The following GLRA2 variants were observed in gnomAD, a reference collection of about 807,000 sequenced individuals.
GLRA2 encodes the protein glycine receptor subunit alpha-2.
Under a neutral mutation model 31.6 loss-of-function variants are expected in GLRA2, and 11 were observed. The ratio of observed to expected loss-of-function variants is 0.35; its 90% CI spans 0.22 to 0.58. The LOEUF (loss-of-function observed/expected upper bound fraction) is 0.58, where lower values mean the gene tolerates loss of function less well. GLRA2 is among the 20% of genes least tolerant of loss of function. The probability of loss-of-function intolerance (pLI) is 0.84; values close to 1 mark genes in which losing one functional copy is unlikely to be tolerated. For missense variants in GLRA2, 212 were observed against 351.8 expected, an observed-to-expected ratio of 0.60 and a Z score of 3.18; for synonymous variants, 132 against 134.0, an observed-to-expected ratio of 0.99 and a Z score of 0.10.
rs754899159 is a variant in GLRA2 at position 14,685,211 on chromosome X, G to A, written c.931-5499G>A. Among the ~76,000 whole-genome samples the A allele has an allele frequency of 4.4e-3, 489 of 111,310 alleles. 7 individuals carry two copies. Among genetic ancestry groups the A allele is most frequent in the African/African-American group, 0.015 (460 of 30,652 alleles). ...AGCTTTTTGATGTGCTGCTGGATTC[G>A]GTTTGCCAGTATTTTATTGAGGAGT... On this transcript the variant is annotated intron_variant, in intron 7 of 8. Coordinates refer to ENST00000218075, the MANE Select transcript of GLRA2 (RefSeq NM_002063.4).
At chrX:14,499,840 C>T in the GLRA2 span, among the ~76,000 whole-genome samples, 11 of 110,626 alleles carry the variant, frequency 9.9e-5, no homozygotes, top group African/African-American at 3.6e-4. Flanking sequence ...ACACCAATAC[C>T]CCCAAATCTA....
rs1169151769 is a variant in GLRA2 at position 14,671,993 on chromosome X, G to T, written c.931-18717G>T. ...GGGAACCCATACTGCTATTGATGTG[G>T]TTTCCTCTCTCATCACTTTTTATTT... On this transcript the variant is annotated intron_variant, in intron 7 of 8. Coordinates refer to ENST00000218075, the MANE Select transcript of GLRA2 (RefSeq NM_002063.4). 2.7e-5 allele frequency among the ~76,000 whole-genome samples: 3 copies of T among 111,982 alleles called. No individual in the cohort carries two copies. In the East Asian group the frequency reaches 8.4e-4, roughly 31 times the overall value.
the GLRA2 span, among the ~76,000 whole-genome samples, chrX:14,467,633 G>T: frequency 3.6e-5 from 4 of 111,746 alleles, no homozygotes; most frequent in Admixed American, 9.5e-5. Context: ...TAAAGGTAAG[G>T]TGATGTTATA....
At chrX:14,633,852 G>A (rs763992434) in intron 7 of GLRA2, among the ~76,000 whole-genome samples, 20 of 111,168 alleles carry the variant, frequency 1.8e-4, no homozygotes, top group Middle Eastern at 4.6e-3. Context: ...AACAGCATGG[G>A]GGAACTGCCC....
chrX:14,572,487 C>T (rs2089897421), intron 2 of GLRA2, among the ~76,000 whole-genome samples: 1 of 111,919 alleles, frequency 8.9e-6, no homozygotes, highest in Admixed American at 9.5e-5. Context: ...TAATTTATTT[C>T]TCATTAGCAG....
the GLRA2 span, among the ~76,000 whole-genome samples, chrX:14,474,449 A>G: frequency 9.0e-6 from 1 of 111,706 alleles, no homozygotes; most frequent in Non-Finnish European, 1.9e-5. Context: ...TCTTATCACT[A>G]GCTACTCAAA....
chrX:14,590,081 A>G (rs2090130293), intron 4 of GLRA2, among the ~76,000 whole-genome samples: 1 of 111,595 alleles, frequency 9.0e-6, no homozygotes, highest in Admixed American at 9.6e-5. Context: ...ATATCACCAA[A>G]GCATCTGTTT....
At chrX:14,564,129 A>T (rs1435264897) in intron 2 of GLRA2, among the ~76,000 whole-genome samples, 8 of 104,730 alleles carry the variant, frequency 7.6e-5, no homozygotes, top group Non-Finnish European at 1.6e-4. Context: ...AAGTAGGGTA[A>T]ACCCAAAGAG....
Position 14,581,245 on chromosome X carries a change from G to A in GLRA2, c.333G>A (p.Glu111=). ...ATGATTCACGGCTGGCGTACAGTGA[G>A]TACCCAGATGACTCCCTGGACTTGG... The part of the protein sequence containing the change: ...QWNDSRLAYS[E]YPDDSLDLDP... Residue 111 remains glutamate, a synonymous_variant, in exon 4 of 9, where the codon GAG becomes GAA. Transcript: ENST00000218075. 1.7e-6 allele frequency: 2 copies of A among 1,190,004 alleles called. No homozygotes were observed. The highest frequency in any genetic ancestry group is 2.3e-6 in the Non-Finnish European group (2 of 875,649).
intron 8 of GLRA2, among the ~76,000 whole-genome samples, chrX:14,717,530 G>A (rs1399127650): frequency 2.0e-5 from 2 of 99,725 alleles, no homozygotes; most frequent in Non-Finnish European, 3.9e-5. Flanking sequence ...ATCTTTACCT[G>A]TGCATAAGCC....
intron 2 of GLRA2, among the ~76,000 whole-genome samples, chrX:14,548,983 C>G (rs2089519133): frequency 9.0e-6 from 1 of 111,533 alleles, no homozygotes; most frequent in South Asian, 3.7e-4. Context: ...GGCAGTGAAC[C>G]AAAAATCTTT....
chrX:14,523,868 T>A, the GLRA2 span, among the ~76,000 whole-genome samples: 2 of 111,928 alleles, frequency 1.8e-5, no homozygotes, highest in Non-Finnish European at 3.8e-5. Context: ...TGAAAAAGTT[T>A]GAAAGATTGT....
intron 2 of GLRA2, among the ~76,000 whole-genome samples, chrX:14,536,097 T>C (rs1275670643): frequency 2.7e-5 from 3 of 112,253 alleles, no homozygotes; most frequent in Non-Finnish European, 3.8e-5. Flanking sequence ...ACACTATTTT[T>C]TTCCCACATC....
At chrX:14,522,719 T>A in the GLRA2 span, among the ~76,000 whole-genome samples, 2 of 111,843 alleles carry the variant, frequency 1.8e-5, no homozygotes, top group Admixed American at 9.5e-5. Flanking sequence ...CCATCAGAGG[T>A]CTTGGGTGAC....
the GLRA2 span, among the ~76,000 whole-genome samples, chrX:14,481,820 G>T: frequency 9.1e-6 from 1 of 109,494 alleles, no homozygotes; most frequent in South Asian, 4.1e-4. Context: ...ACTCCCTCTC[G>T]GTGGTGAAAT....
the GLRA2 span, among the ~76,000 whole-genome samples, chrX:14,462,915 G>C: frequency 0.21 from 22,998 of 110,525 alleles, 1,942 homozygotes; most frequent in South Asian, 0.28. Context: ...TCCTTTGGAG[G>C]AGAAGAGGCA....
the GLRA2 span, among the ~76,000 whole-genome samples, chrX:14,450,111 C>T: frequency 8.9e-6 from 1 of 111,761 alleles, no homozygotes; most frequent in Non-Finnish European, 1.9e-5. Flanking sequence ...GTTGGGGGAG[C>T]GTGAGCTGTG....
chrX:14,469,131 T>C, the GLRA2 span, among the ~76,000 whole-genome samples: 1 of 111,597 alleles, frequency 9.0e-6, no homozygotes, highest in African/African-American at 3.3e-5. Flanking sequence ...TTCACTCTGA[T>C]GGTAGTTTCT....
intron 8 of GLRA2, among the ~76,000 whole-genome samples, chrX:14,704,988 C>T (rs2091600013): frequency 8.9e-6 from 1 of 111,919 alleles, no homozygotes; most frequent in South Asian, 3.7e-4. Context: ...ACTTCCAGCT[C>T]TTAAGGAGGG....
Sources: gnomAD v4.1 joint callset for allele counts (sites outside exome capture counted in the v4.1 genomes callset) on GRCh38, gnomAD v4.1.1 for gene constraint, MANE v1.5 for transcripts, NCBI Gene and HGNC (gene_info 2026-07-23, HGNC 2026-07-21) for gene names.